SND1: variants seen among roughly 807,000 people sequenced by gnomAD.
SND1 encodes the protein staphylococcal nuclease domain-containing protein 1.
A neutral mutation model predicts 121.7 loss-of-function variants in SND1; 38 were observed. The ratio of observed to expected loss-of-function variants is 0.31; its 90% CI spans 0.24 to 0.41. The LOEUF is 0.41. Ranked by LOEUF, SND1 falls within the 10% of genes least tolerant of loss-of-function variation. The probability of loss-of-function intolerance (pLI) is 1.00; values close to 1 mark genes in which losing one functional copy is unlikely to be tolerated. For synonymous variants in SND1, 401 were observed against 447.4 expected, an observed-to-expected ratio of 0.90 and a Z score of 1.31; for missense variants, 868 against 1,184.6, an observed-to-expected ratio of 0.73 and a Z score of 3.92.
chr7:127,893,123 G>C (rs950315018), intron 13 of SND1, among the ~76,000 whole-genome samples: 2 of 152,004 alleles, frequency 1.3e-5, no homozygotes, highest in African/African-American at 4.8e-5. Flanking sequence ...TCATTACCGG[G>C]ACCCTTTTTA....
At chr7:128,082,905 A>C (rs1472693155) in intron 18 of SND1, among the ~76,000 whole-genome samples, 2 of 152,210 alleles carry the variant, frequency 1.3e-5, no homozygotes, top group African/African-American at 2.4e-5. Flanking sequence ...TAGAGAGCAG[A>C]AATCTGAGGC....
intron 10 of SND1, among the ~76,000 whole-genome samples, chr7:127,729,889 G>A (rs1287702581): frequency 6.6e-6 from 1 of 152,148 alleles, no homozygotes; most frequent in Non-Finnish European, 1.5e-5. Context: ...GCATATTTTT[G>A]ATGTCACTTT....
intron 11 of SND1, among the ~76,000 whole-genome samples, chr7:127,826,812 G>A (rs1009287786): frequency 5.9e-5 from 9 of 152,150 alleles, no homozygotes; most frequent in African/African-American, 9.7e-5. Context: ...TATAGCTGTA[G>A]AGTGGATAGT....
At chr7:127,836,308 G>T (rs998793699) in intron 11 of SND1, among the ~76,000 whole-genome samples, 3 of 152,166 alleles carry the variant, frequency 2.0e-5, no homozygotes, top group African/African-American at 7.2e-5. Flanking sequence ...TGATGAAAAT[G>T]AAATGTAGTC....
At chr7:127,934,818 A>G (rs1801025868) in intron 15 of SND1, among the ~76,000 whole-genome samples, 1 of 152,212 alleles carries the variant, frequency 6.6e-6, no homozygotes, top group Admixed American at 6.5e-5. Flanking sequence ...AGCCATCAGC[A>G]TAGAGGCAGT....
At chr7:128,019,466 T>C (rs540524930) in intron 16 of SND1, among the ~76,000 whole-genome samples, 2 of 152,358 alleles carry the variant, frequency 1.3e-5, no homozygotes, top group African/African-American at 4.8e-5. Context: ...CAGGCCATTA[T>C]TGGAGGGGAC....
intron 1 of SND1, among the ~76,000 whole-genome samples, chr7:127,662,890 CTTTTTTTT>C (rs34629378): frequency 1.6e-5 from 2 of 122,522 alleles, no homozygotes; most frequent in Non-Finnish European, 3.4e-5. Context: ...CCTCTTTTAT[CTTTTTTTT>C]TTTTTTTTTT....
At chr7:128,089,389 GC>G (rs1793738428) in intron 21 of SND1, 99 bp from the exon 22 acceptor site, 4 of 1,176,378 alleles carry the variant, frequency 3.4e-6, no homozygotes, top group Admixed American at 2.2e-5. Context: ...AAAATTACAG[GC>G]CCCTGCTGGC....
At chr7:128,031,795 C>T (rs1228508981) in intron 16 of SND1, among the ~76,000 whole-genome samples, 2 of 146,506 alleles carry the variant, frequency 1.4e-5, no homozygotes, top group Admixed American at 1.4e-4. Context: ...CCCGCCGCTG[C>T]CCGGCCCCCG....
chr7:127,997,589 A>C (rs531855830), intron 16 of SND1: 1 of 436,472 alleles, frequency 2.3e-6, no homozygotes, highest in African/African-American at 2.0e-5. Context: ...TAAAAGACAA[A>C]TCTGACTGTG....
At chr7:127,960,807 A>AGGTGCTGC (rs1435222183) in intron 15 of SND1, among the ~76,000 whole-genome samples, 2 of 152,232 alleles carry the variant, frequency 1.3e-5, no homozygotes, top group Non-Finnish European at 2.9e-5. Flanking sequence ...GGATTATATC[A>AGGTGCTGC]GGTGCTGCAG....
At chr7:127,756,270 C>T (rs763219374) in intron 10 of SND1, among the ~76,000 whole-genome samples, 4 of 151,956 alleles carry the variant, frequency 2.6e-5, no homozygotes, top group Non-Finnish European at 5.9e-5. Context: ...GTATTTTTTT[C>T]AAATCATCTC....
intron 1 of SND1, among the ~76,000 whole-genome samples, chr7:127,667,600 C>A (rs1356122817): frequency 6.6e-6 from 1 of 152,038 alleles, no homozygotes; most frequent in East Asian, 1.9e-4. Context: ...GGCCTTGGAA[C>A]TGGGGAGGAG....
chr7:127,777,882 G>A (rs989966995), intron 10 of SND1, among the ~76,000 whole-genome samples: 6 of 152,126 alleles, frequency 3.9e-5, no homozygotes, highest in African/African-American at 1.4e-4. Context: ...AAGAGAAGTT[G>A]TTGTTGTTTT....
chr7:127,714,898 A>G (rs1376149867), intron 9 of SND1, among the ~76,000 whole-genome samples: 1 of 152,220 alleles, frequency 6.6e-6, no homozygotes, highest in Admixed American at 6.5e-5. Context: ...TCATGTGTCC[A>G]TGGGGACACA....
chr7:127,866,917 G>A (rs1017314749), intron 12 of SND1, among the ~76,000 whole-genome samples: 1 of 152,136 alleles, frequency 6.6e-6, no homozygotes, highest in Non-Finnish European at 1.5e-5. Flanking sequence ...TCCGTAGACA[G>A]TTTCACCTTC....
At chr7:127,809,303 TC>T (rs1042275089) in intron 11 of SND1, among the ~76,000 whole-genome samples, 16 of 152,284 alleles carry the variant, frequency 1.1e-4, no homozygotes, top group African/African-American at 3.6e-4. Context: ...CAAGTTTTGT[TC>T]CCCAGAGTGA....
rs772204708 is a variant in SND1 at position 127,686,642 on chromosome 7, A to G, written c.108A>G (p.Arg36=). Residue 36 remains arginine (R), a synonymous_variant, in exon 2 of 24, where the codon CGA becomes CGG. Transcript: ENST00000354725. ...TCTCAGGGTGCGCCATCATTGTCCG[A>G]GGTCAGCCTCGTGGTGGGCCTCCTC... is the stretch of plus-strand genomic sequence containing the variant. ...MVLSGCAIIV[R]GQPRGGPPPE... The G allele has an allele frequency of 1.9e-6, 3 of 1,614,020 alleles. No individual in the cohort carries two copies. Among genetic ancestry groups the G allele is most frequent in the Non-Finnish European group, 1.7e-6 (2 of 1,179,952 alleles).
At chr7:127,871,991 G>A (rs932543155) in intron 12 of SND1, among the ~76,000 whole-genome samples, 1 of 152,092 alleles carries the variant, frequency 6.6e-6, no homozygotes, top group East Asian at 1.9e-4. Flanking sequence ...AGATTAGCCA[G>A]GTGTGGTGGT....
Sources: gnomAD v4.1 joint callset for allele counts (sites outside exome capture counted in the v4.1 genomes callset) on GRCh38, gnomAD v4.1.1 for gene constraint, MANE v1.5 for transcripts, NCBI Gene and HGNC (gene_info 2026-07-23, HGNC 2026-07-21) for gene names.